The following ABCD2 variants were observed in gnomAD, a reference collection of about 807,000 sequenced individuals.
ABCD2 encodes the protein ATP-binding cassette sub-family D member 2.
A neutral mutation model predicts 70.9 loss-of-function variants in ABCD2; 36 were observed. That is an observed-to-expected ratio of 0.51 (90% CI 0.39 to 0.67). ABCD2 has a LOEUF of 0.67. ABCD2 is among the 30% of genes least tolerant of loss of function. The pLI, the probability that ABCD2 is intolerant of heterozygous loss-of-function variation, is 0.00. For missense variants in ABCD2, 729 were observed against 890.2 expected (o/e 0.82, Z 2.30); for synonymous variants, 304 against 306.9 (o/e 0.99, Z 0.10).
At chr12:39,618,550 T>C (rs1592002735) in intron 1 of ABCD2, 127 bp downstream of exon 1, 1 of 786,142 alleles carries the variant, frequency 1.3e-6, no homozygotes, top group South Asian at 1.8e-5. Flanking sequence ...AATTCAGGTT[T>C]AGATGTCAGA....
chr12:39,599,652 T>A (rs1405290315), intron 6 of ABCD2, among the ~76,000 whole-genome samples: 1 of 152,230 alleles, frequency 6.6e-6, no homozygotes, highest in East Asian at 1.9e-4. Context: ...CTCATCTGCC[T>A]AACTGCTATG....
intron 1 of ABCD2, among the ~76,000 whole-genome samples, chr12:39,617,874 T>A (rs1942138164): frequency 6.6e-6 from 1 of 152,208 alleles, no homozygotes; most frequent in Non-Finnish European, 1.5e-5. Context: ...TCAAAATTTC[T>A]GTCATTTCAT....
intron 9 of ABCD2, among the ~76,000 whole-genome samples, chr12:39,559,477 A>G (rs190389536): frequency 2.0e-5 from 3 of 151,862 alleles, no homozygotes; most frequent in East Asian, 3.9e-4. Flanking sequence ...TAAATAAATC[A>G]TAGCAGAAAC....
the ABCD2 span, among the ~76,000 whole-genome samples, chr12:39,543,890 G>A: frequency 6.6e-6 from 1 of 152,014 alleles, no homozygotes; most frequent in Non-Finnish European, 1.5e-5. Context: ...CTCACACTTG[G>A]GGTCTTTTAA....
chr12:39,583,824 C>G (rs956700775), intron 7 of ABCD2, among the ~76,000 whole-genome samples: 3 of 152,306 alleles, frequency 2.0e-5, no homozygotes, highest in Admixed American at 6.5e-5. Flanking sequence ...TTGCCTCCAG[C>G]TCCATTCATG....
intron 9 of ABCD2, among the ~76,000 whole-genome samples, chr12:39,567,725 G>A (rs1941377924): frequency 6.6e-6 from 1 of 152,168 alleles, no homozygotes; most frequent in Non-Finnish European, 1.5e-5. Context: ...TAGTCTGCAT[G>A]GTCTTTACAA....
chr12:39,607,126 A>C (rs1263582831), intron 3 of ABCD2, among the ~76,000 whole-genome samples: 2 of 152,216 alleles, frequency 1.3e-5, no homozygotes, highest in Non-Finnish European at 2.9e-5. Flanking sequence ...AAGAAATGTT[A>C]TTAGCTAACA....
At chr12:39,555,765 G>C (rs1052555369) in intron 9 of ABCD2, among the ~76,000 whole-genome samples, 1 of 152,110 alleles carries the variant, frequency 6.6e-6, no homozygotes, top group African/African-American at 2.4e-5. Flanking sequence ...GAAACCTGTT[G>C]TCCCTGTCAG....
chr12:39,578,406 G>A (rs915386046), intron 8 of ABCD2, among the ~76,000 whole-genome samples: 8 of 151,180 alleles, frequency 5.3e-5, no homozygotes, highest in Non-Finnish European at 8.8e-5. Flanking sequence ...CCCGGGAGGC[G>A]GAGCTTGCAG....
chr12:39,550,162 T>G lies in ABCD2; in HGVS notation c.*3750A>C, dbSNP rs533601715. ...AAATAACTATTTGGTGACTATTGTC[T>G]ATAGTTCTACACACGGTTATATACA... On this transcript the variant is annotated 3_prime_UTR_variant, in exon 10 of 10. Coordinates refer to ENST00000308666, the MANE Select transcript of ABCD2 (RefSeq NM_005164.4). The G allele has an allele frequency of 6.6e-6, 1 of 151,872 alleles. No individual in the cohort carries two copies. Among genetic ancestry groups the G allele is most frequent in the South Asian group, 2.1e-4 (1 of 4,824 alleles). 9.4% of individuals were successfully genotyped at this position (151,872 alleles called of 1,614,324 possible).
chr12:39,618,234 C>T (rs115567348), intron 1 of ABCD2, among the ~76,000 whole-genome samples: 2 of 152,028 alleles, frequency 1.3e-5, no homozygotes, highest in African/African-American at 4.8e-5. Context: ...GCTCTTCCCC[C>T]CTCTTGGACA....
chr12:39,577,603 G>A (rs1274419329), intron 8 of ABCD2, among the ~76,000 whole-genome samples: 1 of 152,064 alleles, frequency 6.6e-6, no homozygotes, highest in East Asian at 1.9e-4. Context: ...ATCCAGGTTT[G>A]AACAAATCAG....
At chr12:39,572,382 T>C (rs139646442) in intron 9 of ABCD2, among the ~76,000 whole-genome samples, 1 of 152,296 alleles carries the variant, frequency 6.6e-6, no homozygotes, top group East Asian at 1.9e-4. Context: ...GCAAATGTCA[T>C]TATTGTCTTA....
intron 9 of ABCD2, among the ~76,000 whole-genome samples, chr12:39,560,336 G>T (rs1422467527): frequency 6.6e-6 from 1 of 152,192 alleles, no homozygotes; most frequent in South Asian, 2.1e-4. Flanking sequence ...CAAAGGACAT[G>T]AACTCATCCT....
chr12:39,553,742 T>G lies in ABCD2; in HGVS notation c.*170A>C. 1.7e-6 allele frequency: 1 copy of G among 595,454 alleles called. No individual in the cohort carries two copies. The highest frequency in any genetic ancestry group is 3.2e-5 in the Admixed American group (1 of 31,690). The allele number at this position is 595,454 out of a possible 1,614,324, so 36.9% of individuals were successfully genotyped here. A position where few individuals can be genotyped will look rare whatever the true frequency, so the allele number is the denominator to read the frequency against. ...GACTGACCTTACATAATGCATTTGT[T>G]TATTTTCTTCTGAAAAGTCAGATCA... On this transcript the variant is annotated 3_prime_UTR_variant, in exon 10 of 10. Coordinates refer to ENST00000308666, the MANE Select transcript of ABCD2 (RefSeq NM_005164.4).
At chr12:39,611,243 T>C (rs1486784368) in intron 2 of ABCD2, among the ~76,000 whole-genome samples, 1 of 152,084 alleles carries the variant, frequency 6.6e-6, no homozygotes, top group Admixed American at 6.6e-5. Context: ...CTTTGGTTAA[T>C]AAGGAATAGA....
At chr12:39,611,432 C>T (rs1203988272) in intron 2 of ABCD2, among the ~76,000 whole-genome samples, 1 of 152,010 alleles carries the variant, frequency 6.6e-6, no homozygotes, top group Non-Finnish European at 1.5e-5. Context: ...TAAGTTTATT[C>T]TTCTACTTTT....
At chr12:39,554,234 A>G in intron 9 of ABCD2, 103 bp from the exon 10 acceptor site, 2 of 1,101,888 alleles carry the variant, frequency 1.8e-6, no homozygotes, top group Non-Finnish European at 1.3e-6. Flanking sequence ...AATTTTAAGT[A>G]GGTGCTATTT....
At chr12:39,590,008 CTG>C (rs1285376354) in intron 6 of ABCD2, among the ~76,000 whole-genome samples, 2 of 152,112 alleles carry the variant, frequency 1.3e-5, no homozygotes, top group African/African-American at 2.4e-5. Flanking sequence ...TCTGGAAAGA[CTG>C]TGTCAAGAAA....
Sources: gnomAD v4.1 joint callset for allele counts (sites outside exome capture counted in the v4.1 genomes callset) on GRCh38, gnomAD v4.1.1 for gene constraint, MANE v1.5 for transcripts, NCBI Gene and HGNC (gene_info 2026-07-23, HGNC 2026-07-21) for gene names.